ZBTB43: variants seen among roughly 807,000 people sequenced by gnomAD.
The protein encoded by ZBTB43 is zinc finger and BTB domain containing 43, also known as zinc finger and BTB domain-containing protein 43.
Under a neutral mutation model 31.1 loss-of-function variants are expected in ZBTB43, and 6 were observed. The observed-to-expected ratio is 0.19, with a 90% CI of 0.11 to 0.38. The LOEUF (loss-of-function observed/expected upper bound fraction) is 0.38, where lower values mean the gene tolerates loss of function less well. Among genes scored for constraint, ZBTB43 ranks in the 10% least tolerant of loss-of-function variants. The probability of loss-of-function intolerance (pLI) is 1.00; values close to 1 mark genes in which losing one functional copy is unlikely to be tolerated. For synonymous variants in ZBTB43, 212 were observed against 221.7 expected (o/e 0.96, Z 0.39); for missense variants, 379 against 602.1 (o/e 0.63, Z 3.88).
At chr9:126,826,248 G>A (rs937897990) in intron 2 of ZBTB43, among the ~76,000 whole-genome samples, 9 of 151,350 alleles carry the variant, frequency 5.9e-5, no homozygotes, top group Non-Finnish European at 7.4e-5. Context: ...CTGACCTCAG[G>A]TGATCCACCC....
At position 126,833,294 on chromosome 9, in the gene ZBTB43, C is replaced by T. The variant is rs142327112; in HGVS notation, c.785C>T (p.Ala262Val). ...GCTTGCGAGGGCATGGATGTGCACGCGACCTACGACGAGCACCAGGTCACA... is the reference window on the plus strand; with the variant it reads ...GCTTGCGAGGGCATGGATGTGCACGTGACCTACGACGAGCACCAGGTCACA... ...EQACEGMDVH[A>V]TYDEHQVTES... The change falls in exon 3 of 3, where the codon GCG (alanine) becomes GTG (valine). Residue 262 changes from alanine to valine, a missense_variant. Around this residue, in one of 5 missense-constraint regions of ZBTB43, gnomAD observed 253 missense variants for 322.3 expected, o/e 0.79. Coordinates refer to ENST00000373464, the MANE Select transcript of ZBTB43 (RefSeq NM_014007.4). This position sits in a 1 kb window ranked among gnomAD's most constrained non-coding sequence, Gnocchi z 7.9. 134 of 1,613,062 alleles carry T rather than the reference C, an allele frequency of 8.3e-5. No individual in the cohort carries two copies. The highest frequency in any genetic ancestry group is 1.1e-4 in the Non-Finnish European group (124 of 1,179,580).
rs531737249 is a variant in ZBTB43 at position 126,805,432 on chromosome 9, C to T, written c.-147+300C>T. On this transcript the variant is annotated intron_variant, in intron 1 of 2. Coordinates refer to ENST00000373464, the MANE Select transcript of ZBTB43 (RefSeq NM_014007.4). ...CCGGCCACAGCGCTTAGAGATCCCG[C>T]CCCCGTCCGTCCGCTGGCCTTTCGG... Among the ~76,000 whole-genome samples, 5 of 152,340 alleles carry T rather than the reference C, an allele frequency of 3.3e-5. No individual in the cohort carries two copies. The East Asian group carries it at 9.7e-4, about 29-fold the overall frequency.
At position 126,814,493 on chromosome 9, in the gene ZBTB43, T is replaced by C. The variant is rs2119122699; in HGVS notation, c.-24+5578T>C. 1.3e-5 allele frequency among the ~76,000 whole-genome samples: 2 copies of C among 152,014 alleles called. 1 individual carries two copies. Among genetic ancestry groups the C allele is most frequent in the Middle Eastern group, 6.8e-3 (2 of 294 alleles). On this transcript the variant is annotated intron_variant, in intron 2 of 2. Transcript: ENST00000373464. The stretch of plus-strand genomic sequence containing the variant: ...GTGATAAATTCTTTCAACTTTTCTA[T>C]GTCTGAAAAAGTATTTTGGGCCGGG...
chr9:126,832,802 C>A lies in ZBTB43; in HGVS notation c.293C>A (p.Pro98Gln). 6.2e-7 allele frequency: 1 copy of A among 1,614,100 alleles called. No homozygotes were observed. The highest frequency in any genetic ancestry group is 8.5e-7 in the Non-Finnish European group (1 of 1,180,034). ...SYTGRLVMPAPEIVSYLTAAS... is the reference protein window; with the variant it reads ...SYTGRLVMPAQEIVSYLTAAS... ...ACAGGACGTCTAGTAATGCCCGCTC[C>A]AGAAATTGTTAGTTACTTGACAGCG... is the stretch of plus-strand genomic sequence containing the variant. The change falls in exon 3 of 3, where the codon CCA becomes CAA. Residue 98 changes from proline to glutamine, a missense_variant. Pro to Gln is a moderately conservative substitution (Grantham distance 76). Transcript: ENST00000373464.
chr9:126,810,948 C>A, intron 2 of ZBTB43, among the ~76,000 whole-genome samples: 1 of 151,964 alleles, frequency 6.6e-6, no homozygotes, highest in Non-Finnish European at 1.5e-5. Flanking sequence ...CAGCCAGGCA[C>A]GATGGCTCAT....
intron 1 of ZBTB43, among the ~76,000 whole-genome samples, 160 bp downstream of exon 1, chr9:126,805,292 C>G (rs755127297): frequency 4.6e-5 from 7 of 152,194 alleles, no homozygotes; most frequent in Admixed American, 1.3e-4. Context: ...GTTGGGGTCC[C>G]GGCGCTCCAG....
intron 2 of ZBTB43, among the ~76,000 whole-genome samples, chr9:126,828,012 C>T (rs935000168): frequency 2.7e-5 from 4 of 150,054 alleles, no homozygotes; most frequent in South Asian, 4.2e-4. Context: ...AGTGAAACTC[C>T]GTCTCAAAAA....
Position 126,837,458 on chromosome 9 carries a change from C to G in ZBTB43, c.*3545C>G, listed in dbSNP as rs756140357. The G allele has an allele frequency of 1.8e-4, 30 of 167,284 alleles. No homozygotes were observed. The highest frequency in any genetic ancestry group is 1.2e-3 in the East Asian group (6 of 5,192). The allele number at this position is 167,284 out of a possible 1,614,324, so 10.4% of individuals were successfully genotyped here. A position where few individuals can be genotyped will look rare whatever the true frequency, so the allele number is the denominator to read the frequency against. On this transcript the variant is annotated 3_prime_UTR_variant, in exon 3 of 3. Coordinates refer to ENST00000373464, the MANE Select transcript of ZBTB43 (RefSeq NM_014007.4). ...CCCTCCTTGAGAGGCTCACACACCC[C>G]CAAGCTGCTGTGGAGTGAATTTGAG...
intron 2 of ZBTB43, among the ~76,000 whole-genome samples, chr9:126,828,960 C>T (rs2032710578): frequency 6.6e-6 from 1 of 152,112 alleles, no homozygotes; most frequent in African/African-American, 2.4e-5. Flanking sequence ...GTGCCAGCCT[C>T]ATTCATAATT....
At chr9:126,814,853 G>A (rs2032340099) in intron 2 of ZBTB43, among the ~76,000 whole-genome samples, 1 of 151,932 alleles carries the variant, frequency 6.6e-6, no homozygotes, top group Non-Finnish European at 1.5e-5. Flanking sequence ...TACTTTCATG[G>A]GTATAGAATT....
At chr9:126,826,689 C>T (rs1288943600) in intron 2 of ZBTB43, among the ~76,000 whole-genome samples, 1 of 151,984 alleles carries the variant, frequency 6.6e-6, no homozygotes, top group African/African-American at 2.4e-5. Context: ...GGGTCTCGAT[C>T]TCCTGACCTC....
At chr9:126,815,330 CTATATATATAGTTTTCAATATATAAAAA>C (rs2032357917) in intron 2 of ZBTB43, among the ~76,000 whole-genome samples, 2 of 120,012 alleles carry the variant, frequency 1.7e-5, no homozygotes, top group Non-Finnish European at 3.5e-5. Context: ...ATATATAAAA[CTATATATATAGTTTTCAATATATAAAAA>C]TATATATATA....
At position 126,837,842 on chromosome 9, in the gene ZBTB43, T is replaced by C. The variant is rs902572883; in HGVS notation, c.*3929T>C. ...GAACACATTTTGCAAATGTGACTTT[T>C]TTTTTTTTTTTTAATTTTTGCTTGA... On this transcript the variant is annotated 3_prime_UTR_variant, in exon 3 of 3. Transcript: ENST00000373464. The C allele has an allele frequency of 6.0e-6, 1 of 165,952 alleles. No individual in the cohort carries two copies. The highest frequency in any genetic ancestry group is 1.5e-5 in the Non-Finnish European group (1 of 68,098). The allele number at this position is 165,952 out of a possible 1,614,324, so 10.3% of individuals were successfully genotyped here. A position where few individuals can be genotyped will look rare whatever the true frequency, so the allele number is the denominator to read the frequency against.
chr9:126,828,642 A>ATTATTATTATTATT (rs1554742714), intron 2 of ZBTB43, among the ~76,000 whole-genome samples: 43 of 126,600 alleles, frequency 3.4e-4, no homozygotes, highest in Middle Eastern at 3.7e-3. Flanking sequence ...TAATAATAAT[A>ATTATTATTATTATT]ATAATAATAA....
intron 2 of ZBTB43, among the ~76,000 whole-genome samples, chr9:126,812,412 A>C (rs1166088914): frequency 6.6e-6 from 1 of 152,008 alleles, no homozygotes; most frequent in African/African-American, 2.4e-5. Context: ...ATATGTTTTC[A>C]TTTTTCTTGG....
rs1213665594 is a variant in ZBTB43, at chr9:126,817,098, ATCTTTT to A, written c.-24+8185_-24+8190del. Among the ~76,000 whole-genome samples, 4 of 81,306 alleles carry A rather than the reference ATCTTTT, an allele frequency of 4.9e-5. No individual in the cohort carries two copies. The Admixed American group carries it at 5.2e-4, about 11-fold the overall frequency. 53.3% of individuals were successfully genotyped at this position (81,306 alleles called of 152,430 possible). A position where few individuals can be genotyped will look rare whatever the true frequency, so the allele number is the denominator to read the frequency against. On this transcript the variant is annotated intron_variant, in intron 2 of 2. Transcript: ENST00000373464. ...TTCAACTTGGCCCCATTTCCACTGT[ATCTTTT>A]TTTTTTTTTTTTTTTTTTTTTTTTG...
intron 2 of ZBTB43, among the ~76,000 whole-genome samples, chr9:126,829,443 A>G (rs973909044): frequency 6.6e-5 from 10 of 152,258 alleles, no homozygotes; most frequent in African/African-American, 1.9e-4. Flanking sequence ...TCCATATAAT[A>G]GAAAGCTATG....
intron 2 of ZBTB43, among the ~76,000 whole-genome samples, chr9:126,814,265 G>A (rs1397546710): frequency 1.0e-4 from 1 of 9,758 alleles, no homozygotes; most frequent in African/African-American, 7.2e-4. Context: ...CTTTCATCCT[G>A]ATTTTTACAG....
chr9:126,823,081 A>G (rs2119144259), intron 2 of ZBTB43, among the ~76,000 whole-genome samples: 1 of 152,280 alleles, frequency 6.6e-6, no homozygotes, highest in South Asian at 2.1e-4. Flanking sequence ...AACCAACAAT[A>G]TCTCTGAGGT....
Sources: allele counts gnomAD v4.1 joint callset (sites outside exome capture counted in the v4.1 genomes callset), GRCh38; gene constraint gnomAD v4.1.1; regional missense constraint gnomAD v4.1.1; non-coding constraint Gnocchi (gnomAD v3.1); transcripts MANE v1.5; gene names NCBI Gene and HGNC (gene_info 2026-07-23, HGNC 2026-07-21).